The following SLC22A23 variants were observed in gnomAD, a reference collection of about 807,000 sequenced individuals.
SLC22A23 encodes solute carrier family 22 member 23.
Under a neutral mutation model 61.0 loss-of-function variants are expected in SLC22A23, and 26 were observed. The ratio of observed to expected loss-of-function variants is 0.43; its 90% CI spans 0.31 to 0.59. The LOEUF is 0.59. SLC22A23 is among the 20% of genes least tolerant of loss of function. The probability of loss-of-function intolerance (pLI) is 0.11; values close to 1 mark genes in which losing one functional copy is unlikely to be tolerated. For synonymous variants in SLC22A23, 430 were observed against 413.9 expected (o/e 1.04, Z -0.47); for missense variants, 796 against 934.7 (o/e 0.85, Z 1.94).
chr6:3,332,456 A>G (rs902866009), intron 3 of SLC22A23, among the ~76,000 whole-genome samples: 3 of 152,094 alleles, frequency 2.0e-5, no homozygotes, highest in Admixed American at 2.0e-4. Context: ...TTCTTCTCTC[A>G]TTTTCCCATC....
intron 9 of SLC22A23, among the ~76,000 whole-genome samples, chr6:3,279,787 A>G (rs1759268480): frequency 6.6e-6 from 1 of 152,106 alleles, no homozygotes; most frequent in Non-Finnish European, 1.5e-5. Context: ...ATTTACGGAC[A>G]GAGAACCGAG....
chr6:3,344,717 T>C (rs1016440747), intron 3 of SLC22A23, among the ~76,000 whole-genome samples: 1 of 152,244 alleles, frequency 6.6e-6, no homozygotes, highest in East Asian at 1.9e-4. Context: ...TTTAAGCATA[T>C]TGAAATAAGT....
rs1758556563 is a variant in SLC22A23, at chr6:3,272,770, CAGTGAG to C, written c.*279_*284del. On this transcript the variant is annotated 3_prime_UTR_variant, in exon 10 of 10. Transcript: ENST00000406686. ...CCAGGGAGGTGATTCCATTTGTGAT[CAGTGAG>C]AGGGAGAGGGAATAAAGTGCTTCTC... 7.6e-6 allele frequency: 2 copies of C among 263,122 alleles called. No homozygotes were observed. The highest frequency in any genetic ancestry group is 1.4e-5 in the Non-Finnish European group (2 of 138,148). 16.3% of individuals were successfully genotyped at this position (263,122 alleles called of 1,614,324 possible).
Position 3,287,050 on chromosome 6 carries a change from A to G in SLC22A23, c.1355T>C (p.Met452Thr). ...CGGCACCTTCACCTCGTGGCCCATC[A>G]TGCTCCTGGCAAAGCAGTGGTGGAT... ...YGIHHCFARS[M>T]MGHEVKVPLL... Residue 452 changes from methionine (M) to threonine (T), a missense_variant, in exon 7 of 10, where the codon ATG becomes ACG. Physicochemically the swap from Met to Thr is moderately conservative, Grantham distance 81. Transcript: ENST00000406686. 6.2e-7 allele frequency: 1 copy of G among 1,614,192 alleles called. No individual in the cohort carries two copies. Among genetic ancestry groups the G allele is most frequent in the Non-Finnish European group, 8.5e-7 (1 of 1,180,022 alleles).
intron 3 of SLC22A23, among the ~76,000 whole-genome samples, chr6:3,403,234 T>A (rs2127501689): frequency 6.6e-6 from 1 of 152,178 alleles, no homozygotes; most frequent in African/African-American, 2.4e-5. Flanking sequence ...TTAATTTGCT[T>A]TTAAGAACAT....
chr6:3,353,682 C>T (rs576287069), intron 3 of SLC22A23, among the ~76,000 whole-genome samples: 3 of 152,288 alleles, frequency 2.0e-5, no homozygotes, highest in Admixed American at 6.5e-5. Context: ...GTCCCATTAC[C>T]GAAGCTGTGA....
chr6:3,442,816 T>TAA (rs34874884), intron 1 of SLC22A23, among the ~76,000 whole-genome samples: 25 of 147,230 alleles, frequency 1.7e-4, no homozygotes, highest in African/African-American at 2.5e-4. Flanking sequence ...CCACTTTATT[T>TAA]AAAAAAAAAA....
In SLC22A23 at chr6:3,330,111, G is replaced by C. The variant is rs1763506197; in HGVS notation, c.914-6109C>G. On this transcript the variant is annotated intron_variant, in intron 3 of 9. Coordinates refer to ENST00000406686, the MANE Select transcript of SLC22A23 (RefSeq NM_015482.2). This position sits in a 1 kb window ranked among gnomAD's most constrained non-coding sequence, Gnocchi z 4.7. ...CCCCAGAACACACAGGATTCAAAGA[G>C]GCCACTTCTCCAAACCCGCTGTCCT... is the stretch of plus-strand genomic sequence containing the variant. Among the ~76,000 whole-genome samples, 1 of 152,132 alleles carries C rather than the reference G, an allele frequency of 6.6e-6. No individual in the cohort carries two copies. Among genetic ancestry groups the C allele is most frequent in the African/African-American group, 2.4e-5 (1 of 41,418 alleles).
At position 3,386,167 on chromosome 6, in the gene SLC22A23, G is replaced by A. The variant is rs1003121864; in HGVS notation, c.913+24021C>T. ...CGGGTGTCTCATTACCTGACGAGGT[G>A]GATTTATTAATGATCTGGGTTGACA... On this transcript the variant is annotated intron_variant, in intron 3 of 9. Transcript: ENST00000406686. The surrounding 1 kb of genome is among the most constrained non-coding windows in gnomAD (Gnocchi z 4.4). 1.3e-5 allele frequency among the ~76,000 whole-genome samples: 2 copies of A among 152,146 alleles called. No homozygotes were observed. The highest frequency in any genetic ancestry group is 2.9e-5 in the Non-Finnish European group (2 of 68,028).
rs900145268 is a variant in SLC22A23 at position 3,386,695 on chromosome 6, G to A, written c.913+23493C>T. ...TGAAAAGAGTGAATCCAGGACTGCC[G>A]GGGACCTGCCCCAGGGTCACCCAGC... On this transcript the variant is annotated intron_variant, in intron 3 of 9. Coordinates refer to ENST00000406686, the MANE Select transcript of SLC22A23 (RefSeq NM_015482.2). This position sits in a 1 kb window ranked among gnomAD's most constrained non-coding sequence, Gnocchi z 4.4. Among the ~76,000 whole-genome samples, 5 of 152,182 alleles carry A rather than the reference G, an allele frequency of 3.3e-5. No individual in the cohort carries two copies. Among genetic ancestry groups the A allele is most frequent in the African/African-American group, 7.2e-5 (3 of 41,452 alleles).
chr6:3,400,184 T>C (rs1359953117), intron 3 of SLC22A23, among the ~76,000 whole-genome samples: 2 of 152,192 alleles, frequency 1.3e-5, no homozygotes, highest in African/African-American at 4.8e-5. Context: ...CGCCCATGAT[T>C]GCATTTTAAA....
At chr6:3,393,604 G>A (rs367827526) in intron 3 of SLC22A23, among the ~76,000 whole-genome samples, 15 of 152,256 alleles carry the variant, frequency 9.9e-5, no homozygotes, top group African/African-American at 2.6e-4. Context: ...TGATGTGAGC[G>A]GGAAAATGGC....
intron 9 of SLC22A23, among the ~76,000 whole-genome samples, chr6:3,275,887 C>T (rs886601948): frequency 1.3e-5 from 2 of 152,250 alleles, no homozygotes; most frequent in African/African-American, 4.8e-5. Context: ...ACTCTTATAA[C>T]TCAAAAAGAA....
chr6:3,424,978 G>A (rs1770393999), intron 1 of SLC22A23, among the ~76,000 whole-genome samples: 1 of 152,168 alleles, frequency 6.6e-6, no homozygotes, highest in South Asian at 2.1e-4. Context: ...GAGGGGCAGA[G>A]TGTTAACGTC....
At chr6:3,348,210 T>C (rs1310538612) in intron 3 of SLC22A23, among the ~76,000 whole-genome samples, 1 of 152,208 alleles carries the variant, frequency 6.6e-6, no homozygotes, top group Non-Finnish European at 1.5e-5. Flanking sequence ...CACGATTCCA[T>C]GCTTGGGGAC....
At position 3,410,221 on chromosome 6, in the gene SLC22A23, G is replaced by A. The variant is rs1769122809; in HGVS notation, c.880C>T (p.Leu294=). Residue 294 remains leucine, a synonymous_variant, in exon 3 of 10, where the codon CTG becomes TTG. Coordinates refer to ENST00000406686, the MANE Select transcript of SLC22A23 (RefSeq NM_015482.2). The surrounding 1 kb of genome is among the most constrained non-coding windows in gnomAD (Gnocchi z 5.0). ...STLRFFEGFC[L]AGIILTLYAL... ...TACAAGGTGAGAATGATTCCAGCCA[G>A]GCAAAATCCTTCAAAGAACCTGAGT... 3 of 1,613,862 alleles carry A rather than the reference G, an allele frequency of 1.9e-6. No individual in the cohort carries two copies. The highest frequency in any genetic ancestry group is 2.2e-5 in the South Asian group (2 of 91,012).
At chr6:3,349,927 G>A (rs550409549) in intron 3 of SLC22A23, among the ~76,000 whole-genome samples, 4 of 152,338 alleles carry the variant, frequency 2.6e-5, no homozygotes, top group African/African-American at 4.8e-5. Flanking sequence ...TGTGATACAC[G>A]AAGGCAGATG....
intron 9 of SLC22A23, among the ~76,000 whole-genome samples, chr6:3,280,183 C>T (rs1311164969): frequency 6.6e-6 from 1 of 152,184 alleles, no homozygotes; most frequent in Non-Finnish European, 1.5e-5. Flanking sequence ...AGCCCAGGCC[C>T]TTTGCACATG....
intron 5 of SLC22A23, among the ~76,000 whole-genome samples, chr6:3,295,958 TAAGCA>T (rs1761049767): frequency 6.6e-6 from 1 of 152,162 alleles, no homozygotes; most frequent in African/African-American, 2.4e-5. Context: ...GCAAAACTCA[TAAGCA>T]AAGAAATAAA....
Sources: gnomAD v4.1 joint callset for allele counts (sites outside exome capture counted in the v4.1 genomes callset) on GRCh38, gnomAD v4.1.1 for gene constraint, Gnocchi (gnomAD v3.1) non-coding constraint, MANE v1.5 for transcripts, NCBI Gene and HGNC (gene_info 2026-07-23, HGNC 2026-07-21) for gene names.